The following ANKRD44 variants were observed in gnomAD, a reference collection of about 807,000 sequenced individuals.
ANKRD44 encodes ankyrin repeat domain 44.
A neutral mutation model predicts 116.0 loss-of-function variants in ANKRD44; 35 were observed. The observed-to-expected ratio is 0.30, with a 90% confidence interval of 0.23 to 0.40. The LOEUF (loss-of-function observed/expected upper bound fraction) is 0.40, where lower values mean the gene tolerates loss of function less well. ANKRD44 is among the 10% of genes least tolerant of loss of function. The probability of loss-of-function intolerance (pLI) is 1.00; values close to 1 mark genes in which losing one functional copy is unlikely to be tolerated. For synonymous variants in ANKRD44, 435 were observed against 461.8 expected (o/e 0.94, Z 0.74); for missense variants, 1,014 against 1,242.6 (o/e 0.82, Z 2.77).
intron 8 of ANKRD44, among the ~76,000 whole-genome samples, chr2:197,114,861 T>C (rs1268429774): frequency 1.3e-5 from 2 of 152,210 alleles, no homozygotes; most frequent in African/African-American, 4.8e-5. Context: ...AAGCCACACA[T>C]TGTCCAATTT....
At chr2:197,206,844 A>T (rs1034834443) in intron 1 of ANKRD44, among the ~76,000 whole-genome samples, 4 of 152,218 alleles carry the variant, frequency 2.6e-5, no homozygotes, top group Non-Finnish European at 4.4e-5. Context: ...GGAGTCACAT[A>T]AGATAAATCT....
At chr2:197,134,682 C>A (rs533143165) in intron 4 of ANKRD44, 1 of 152,170 alleles carries the variant, frequency 6.6e-6, no homozygotes, top group African/African-American at 2.4e-5. Context: ...AGGGCAGAGA[C>A]CATCGGTCTT....
downstream of ANKRD44, among the ~76,000 whole-genome samples, chr2:196,982,238 A>C (rs1050676735): frequency 4.6e-5 from 7 of 151,688 alleles, no homozygotes; most frequent in African/African-American, 1.7e-4. Context: ...CAGTGTGTCC[A>C]AAGAACAAAG....
chr2:197,095,705 G>A (rs2078145447), intron 10 of ANKRD44, among the ~76,000 whole-genome samples: 1 of 152,162 alleles, frequency 6.6e-6, no homozygotes, highest in Non-Finnish European at 1.5e-5. Context: ...ACTTTGAGCA[G>A]GTAACTGAAC....
chr2:197,218,887 G>A (rs576836758), intron 1 of ANKRD44, among the ~76,000 whole-genome samples: 1 of 148,500 alleles, frequency 6.7e-6, no homozygotes, highest in South Asian at 2.1e-4. Flanking sequence ...AGCCTCCCAA[G>A]TAGCTGGTAT....
At chr2:197,158,787 T>C (rs1574574762) in intron 2 of ANKRD44, among the ~76,000 whole-genome samples, 1 of 152,202 alleles carries the variant, frequency 6.6e-6, no homozygotes. Context: ...ATTCATACAA[T>C]AGACAAAAAC....
At chr2:197,126,398 A>G (rs1194372886) in intron 4 of ANKRD44, among the ~76,000 whole-genome samples, 5 of 152,228 alleles carry the variant, frequency 3.3e-5, no homozygotes, top group African/African-American at 1.2e-4. Context: ...GACCTCAGAC[A>G]TTCTTGGATC....
chr2:197,093,911 G>C (rs2078102682), intron 10 of ANKRD44, among the ~76,000 whole-genome samples: 1 of 152,164 alleles, frequency 6.6e-6, no homozygotes, highest in African/African-American at 2.4e-5. Flanking sequence ...CAGGAAAGAG[G>C]AGACCAATTT....
At chr2:197,295,352 C>T (rs999302006) in intron 1 of ANKRD44, among the ~76,000 whole-genome samples, 1 of 152,162 alleles carries the variant, frequency 6.6e-6, no homozygotes, top group Non-Finnish European at 1.5e-5. Context: ...TAGTCTTTGC[C>T]ACAACTACTC....
intron 1 of ANKRD44, among the ~76,000 whole-genome samples, chr2:197,272,151 T>C (rs35870159): frequency 0.23 from 34,957 of 152,182 alleles, 4,957 homozygotes; most frequent in African/African-American, 0.4. Context: ...AGAACCTTAC[T>C]AGGCTGGCAC....
chr2:197,015,150 G>A (rs891466279), intron 17 of ANKRD44: 7 of 248,764 alleles, frequency 2.8e-5, no homozygotes, highest in Non-Finnish European at 8.1e-6. Flanking sequence ...ACCTACTCTT[G>A]TGTTGAAGAG....
In ANKRD44 at chr2:196,988,181, G is replaced by A. The variant is rs765585927; in HGVS notation, c.*1410C>T. 4.3e-5 allele frequency: 42 copies of A among 984,592 alleles called. No individual in the cohort carries two copies. Among genetic ancestry groups the A allele is most frequent in the Non-Finnish European group, 4.8e-5 (40 of 829,328 alleles). The allele number at this position is 984,592 out of a possible 1,614,324, so 61.0% of individuals were successfully genotyped here. A position where few individuals can be genotyped will look rare whatever the true frequency, so the allele number is the denominator to read the frequency against. On this transcript the variant is annotated 3_prime_UTR_variant, in exon 28 of 28. Coordinates refer to ENST00000282272, the MANE Select transcript of ANKRD44 (RefSeq NM_001195144.2). The stretch of plus-strand genomic sequence containing the variant: ...GCTACACGACAGGAAAAATGTTAAC[G>A]CTGCTTTGCCATTAAAGCAAGCATT...
intron 23 of ANKRD44, among the ~76,000 whole-genome samples, chr2:196,999,915 C>G (rs1056865700): frequency 6.6e-6 from 1 of 152,120 alleles, no homozygotes; most frequent in African/African-American, 2.4e-5. Flanking sequence ...TGAGAATGTT[C>G]ACCACACCAC....
intron 16 of ANKRD44, among the ~76,000 whole-genome samples, chr2:197,054,167 T>C (rs1239910414): frequency 1.3e-5 from 2 of 152,256 alleles, no homozygotes; most frequent in African/African-American, 2.4e-5. Flanking sequence ...ATATGTAATG[T>C]AAACACTTAA....
At chr2:196,991,319 A>G (rs529374465) in intron 27 of ANKRD44, among the ~76,000 whole-genome samples, 1 of 152,300 alleles carries the variant, frequency 6.6e-6, no homozygotes, top group South Asian at 2.1e-4. Flanking sequence ...ACACACCATG[A>G]GCCTCAGGCC....
At chr2:197,076,502 GT>G (rs2077668683) in intron 16 of ANKRD44, among the ~76,000 whole-genome samples, 1 of 152,038 alleles carries the variant, frequency 6.6e-6, no homozygotes, top group South Asian at 2.1e-4. Flanking sequence ...TTGTTTTGGG[GT>G]TTTTAAAAAA....
chr2:197,159,489 A>G (rs2079904375), intron 2 of ANKRD44, among the ~76,000 whole-genome samples: 1 of 152,052 alleles, frequency 6.6e-6, no homozygotes, highest in African/African-American at 2.4e-5. Flanking sequence ...AGACTTTCCT[A>G]TTAAAAAAAT....
In ANKRD44 at chr2:197,212,603, C is replaced by T. The variant is rs987498736; in HGVS notation, c.28-25497G>A. On this transcript the variant is annotated intron_variant, in intron 1 of 27. Transcript: ENST00000282272. The surrounding 1 kb of genome is among the most constrained non-coding windows in gnomAD (Gnocchi z 4.8). ...TCATTCAAAATAACACATTTGTTCA[C>T]CCTGCCTCTTCCACTCTCCTTTTAT... 4.6e-5 allele frequency among the ~76,000 whole-genome samples: 7 copies of T among 152,318 alleles called. No individual in the cohort carries two copies. The highest frequency in any genetic ancestry group is 1.7e-4 in the African/African-American group (7 of 41,574).
chr2:197,072,472 G>A (rs2077581641), intron 16 of ANKRD44, among the ~76,000 whole-genome samples: 1 of 152,134 alleles, frequency 6.6e-6, no homozygotes, highest in African/African-American at 2.4e-5. Context: ...AAAAGTCCAG[G>A]CCACAGAAAG....
Sources: allele counts gnomAD v4.1 joint callset (sites outside exome capture counted in the v4.1 genomes callset), GRCh38; gene constraint gnomAD v4.1.1; non-coding constraint Gnocchi (gnomAD v3.1); transcripts MANE v1.5; gene names NCBI Gene and HGNC (gene_info 2026-07-23, HGNC 2026-07-21).